Variants in CACHD1 observed in about 807,000 individuals in gnomAD.
CACHD1 encodes cache domain containing 1, also known as VWFA and cache domain-containing protein 1.
In CACHD1, 71 loss-of-function variants were observed where a neutral mutation model predicts 138.7. The observed-to-expected ratio is 0.51, with a 90% CI of 0.42 to 0.62. The LOEUF (loss-of-function observed/expected upper bound fraction) is 0.62. Ranked by LOEUF, CACHD1 falls within the 20% of genes least tolerant of loss-of-function variation. The pLI is 0.00. For missense variants in CACHD1, 1,389 were observed against 1,625.3 expected (o/e 0.85, Z 2.50); for synonymous variants, 578 against 591.5 (o/e 0.98, Z 0.33).
intron 2 of CACHD1, among the ~76,000 whole-genome samples, chr1:64,577,171 C>G (rs1049922282): frequency 6.6e-6 from 1 of 152,100 alleles, no homozygotes; most frequent in African/African-American, 2.4e-5. Flanking sequence ...GTCTTGAACT[C>G]TTGGGCTCAA....
At chr1:64,665,498 A>G (rs1022608364) in intron 15 of CACHD1, among the ~76,000 whole-genome samples, 6 of 151,980 alleles carry the variant, frequency 3.9e-5, no homozygotes, top group African/African-American at 1.2e-4. Context: ...ACTATACTAC[A>G]TATCTTAGTA....
intron 2 of CACHD1, among the ~76,000 whole-genome samples, chr1:64,562,137 G>A (rs1396206400): frequency 6.6e-6 from 1 of 152,008 alleles, no homozygotes; most frequent in Non-Finnish European, 1.5e-5. Context: ...AGACATAATG[G>A]TTTAAATATT....
At chr1:64,525,113 C>A (rs1465611195) in intron 1 of CACHD1, among the ~76,000 whole-genome samples, 3 of 152,100 alleles carry the variant, frequency 2.0e-5, no homozygotes, top group Non-Finnish European at 4.4e-5. Context: ...CTCTTTGCTT[C>A]TAATATTTAT....
chr1:64,535,327 G>GTT (rs3078381), intron 1 of CACHD1, among the ~76,000 whole-genome samples: 4,611 of 136,588 alleles, frequency 0.034, 145 homozygotes, highest in African/African-American at 0.067. Context: ...AATTTGGAGG[G>GTT]TTTTTTTTTT....
chr1:64,631,562 G>A (rs1199456467), intron 5 of CACHD1, among the ~76,000 whole-genome samples: 1 of 152,134 alleles, frequency 6.6e-6, no homozygotes, highest in Non-Finnish European at 1.5e-5. Flanking sequence ...ACATTTCACA[G>A]GAAAATCTAG....
At chr1:64,534,568 G>A (rs1361180875) in intron 1 of CACHD1, among the ~76,000 whole-genome samples, 3 of 152,210 alleles carry the variant, frequency 2.0e-5, no homozygotes, top group Non-Finnish European at 2.9e-5. Context: ...ATATTTGGAT[G>A]GAATGTCCCT....
chr1:64,673,320 T>A (rs1401826220), intron 18 of CACHD1, 28 bp from the exon 19 acceptor site: 1 of 1,612,618 alleles, frequency 6.2e-7, no homozygotes, highest in Non-Finnish European at 8.5e-7. Context: ...ACATGGCATA[T>A]GTCTTCTGTT....
chr1:64,672,525 A>G (rs1649849915), intron 17 of CACHD1, among the ~76,000 whole-genome samples: 1 of 151,722 alleles, frequency 6.6e-6, no homozygotes, highest in African/African-American at 2.4e-5. Context: ...TTATTAGTTA[A>G]TGTTGTTAAT....
At chr1:64,664,289 A>C (rs1570464089) in intron 14 of CACHD1, 6 of 584,626 alleles carry the variant, frequency 1.0e-5, no homozygotes, top group Non-Finnish European at 1.8e-5. Flanking sequence ...GGTAGGGTGA[A>C]CAATTGAGTG....
Position 64,625,464 on chromosome 1 carries a change from T to TA in CACHD1, c.518-3886dup, listed in dbSNP as rs549523794. Among the ~76,000 whole-genome samples the TA allele has an allele frequency of 1.2e-4, 18 of 152,036 alleles. No homozygotes were observed. The South Asian group carries it at 3.7e-3, about 32-fold the overall frequency. On this transcript the variant is annotated intron_variant, in intron 4 of 26. Transcript: ENST00000651257. ...CAACATGGTGAAACCCCATCTCTAC[T>TA]AAAAATACAAAAATTAGCTGGGCAT...
chr1:64,487,850 G>A (rs1382403654), intron 1 of CACHD1, among the ~76,000 whole-genome samples: 1 of 152,194 alleles, frequency 6.6e-6, no homozygotes, highest in Non-Finnish European at 1.5e-5. Context: ...GTGAGGTGAT[G>A]TGATTGTGGT....
At chr1:64,562,453 A>C (rs1167456529) in intron 2 of CACHD1, among the ~76,000 whole-genome samples, 4 of 138,910 alleles carry the variant, frequency 2.9e-5, no homozygotes, top group Non-Finnish European at 4.5e-5. Flanking sequence ...CTCTGCCACC[A>C]GGCTGGAGTG....
chr1:64,609,040 G>T (rs532077276), intron 4 of CACHD1, among the ~76,000 whole-genome samples: 5 of 152,232 alleles, frequency 3.3e-5, no homozygotes, highest in Non-Finnish European at 7.4e-5. Flanking sequence ...GGGTGTAAGG[G>T]GCATTTATAA....
At chr1:64,666,209 C>A in intron 16 of CACHD1, 42 bp downstream of exon 16, 1 of 1,319,028 alleles carries the variant, frequency 7.6e-7, no homozygotes, top group Non-Finnish European at 1.1e-6. Flanking sequence ...TTAAATATAT[C>A]AAGGATATTT....
At chr1:64,598,667 G>A (rs1043115507) in intron 3 of CACHD1, among the ~76,000 whole-genome samples, 1 of 152,108 alleles carries the variant, frequency 6.6e-6, no homozygotes, top group Non-Finnish European at 1.5e-5. Context: ...ATAGGGTTTA[G>A]TCAAATAGGG....
intron 12 of CACHD1, among the ~76,000 whole-genome samples, chr1:64,657,841 C>T (rs1024472215): frequency 2.0e-5 from 3 of 152,180 alleles, no homozygotes; most frequent in African/African-American, 7.2e-5. Context: ...TATTTATAAA[C>T]CATCTTTAAA....
At chr1:64,629,034 G>T (rs1648209552) in intron 4 of CACHD1, among the ~76,000 whole-genome samples, 1 of 152,192 alleles carries the variant, frequency 6.6e-6, no homozygotes, top group African/African-American at 2.4e-5. Context: ...ACTAGTGTGT[G>T]CTAGCCCAAC....
At chr1:64,625,718 A>G (rs1276227186) in intron 4 of CACHD1, among the ~76,000 whole-genome samples, 1 of 152,190 alleles carries the variant, frequency 6.6e-6, no homozygotes, top group East Asian at 1.9e-4. Flanking sequence ...CTTCATCACT[A>G]CACAATATAT....
intron 1 of CACHD1, among the ~76,000 whole-genome samples, chr1:64,532,810 CTCA>C (rs1646598353): frequency 6.6e-6 from 1 of 152,004 alleles, no homozygotes; most frequent in Admixed American, 6.6e-5. Flanking sequence ...CTATGTCTGA[CTCA>C]TCATCTATAA....
Sources: gnomAD v4.1 joint callset for allele counts (sites outside exome capture counted in the v4.1 genomes callset) on GRCh38, gnomAD v4.1.1 for gene constraint, MANE v1.5 for transcripts, NCBI Gene and HGNC (gene_info 2026-07-23, HGNC 2026-07-21) for gene names.